Variants in SCML4 observed in about 807,000 individuals in gnomAD.
SCML4 encodes the protein sex comb on midleg-like protein 4.
Under a neutral mutation model 41.1 loss-of-function variants are expected in SCML4, and 34 were observed. That is an observed-to-expected ratio of 0.83 (90% CI 0.63 to 1.10). The LOEUF (loss-of-function observed/expected upper bound fraction) is 1.10, where lower values mean the gene tolerates loss of function less well. SCML4 is among the 50% of genes least tolerant of loss of function. SCML4 has a pLI of 0.00. For synonymous variants in SCML4, 214 were observed against 220.9 expected (o/e 0.97, Z 0.28); for missense variants, 522 against 534.1 (o/e 0.98, Z 0.22).
chr6:107,835,605 G>A, the SCML4 span, among the ~76,000 whole-genome samples: 2 of 151,638 alleles, frequency 1.3e-5, no homozygotes, highest in African/African-American at 4.8e-5. Context: ...TCTGGGCATG[G>A]TGGCATGCAC....
rs764540 is a variant in SCML4 at position 107,703,627 on chromosome 6, C to T, written c.*1573G>A. ...GTTATACAGGTCATGCTCTGTACAA[C>T]GGCAGCTGATCAAGCGGTGAGGAGG... On this transcript the variant is annotated 3_prime_UTR_variant, in exon 8 of 8. Transcript: ENST00000369020. Among the ~76,000 whole-genome samples the T allele has an allele frequency of 6.6e-6, 1 of 152,148 alleles. No individual in the cohort carries two copies. Among genetic ancestry groups the T allele is most frequent in the Admixed American group, 6.5e-5 (1 of 15,276 alleles).
rs76895803 is a variant in SCML4 at position 107,801,588 on chromosome 6, A to G, written c.-60+22538T>C. On this transcript the variant is annotated intron_variant, in intron 1 of 7. Coordinates refer to ENST00000369020, the MANE Select transcript of SCML4 (RefSeq NM_198081.5). The stretch of plus-strand genomic sequence containing the variant: ...GTTTTAATTTCTCCAGGTTTTTCCC[A>G]AGTCCAAATGTCTTTCACATCCTTC... Among the ~76,000 whole-genome samples, 443 of 152,252 alleles carry G rather than the reference A, an allele frequency of 2.9e-3. 12 individuals are homozygous for G. The East Asian group carries it at 0.074, about 25-fold the overall frequency.
At chr6:107,716,710 G>A (rs145380847) in intron 6 of SCML4, among the ~76,000 whole-genome samples, 19 of 152,270 alleles carry the variant, frequency 1.2e-4, no homozygotes, top group Non-Finnish European at 2.2e-4. Context: ...CCTACTCAGC[G>A]TTACTTTGCA....
intron 1 of SCML4, among the ~76,000 whole-genome samples, chr6:107,795,041 C>T (rs1005133188): frequency 5.9e-5 from 9 of 152,166 alleles, no homozygotes; most frequent in African/African-American, 2.2e-4. Flanking sequence ...CCAATTATGT[C>T]AGCAAAGGTT....
chr6:107,789,290 C>T (rs74387860), intron 1 of SCML4, among the ~76,000 whole-genome samples: 1,551 of 152,266 alleles, frequency 0.01, 30 homozygotes, highest in African/African-American at 0.032. Flanking sequence ...AGCACAGGGA[C>T]GTGAAGATGA....
intron 2 of SCML4, among the ~76,000 whole-genome samples, chr6:107,767,780 C>T (rs1270990960): frequency 6.6e-6 from 1 of 152,150 alleles, no homozygotes; most frequent in Non-Finnish European, 1.5e-5. Context: ...CTACGGGTGG[C>T]TGAGTGACTA....
rs1484469230 is a variant in SCML4 at position 107,759,898 on chromosome 6, C to T, written c.157-10085G>A. On this transcript the variant is annotated intron_variant, in intron 2 of 7. Transcript: ENST00000369020. ...TTGCCACTGCACTGCAGGGCAGTGG[C>T]AAGAATACAGGTCTTAGAGATAACA... 3.3e-5 allele frequency among the ~76,000 whole-genome samples: 5 copies of T among 152,078 alleles called. No individual in the cohort carries two copies. In the East Asian group the frequency reaches 7.7e-4, roughly 23 times the overall value.
chr6:107,702,403 G>A lies in SCML4; in HGVS notation c.*2797C>T, dbSNP rs770507216. Among the ~76,000 whole-genome samples, 1 of 152,158 alleles carries A rather than the reference G, an allele frequency of 6.6e-6. No individual in the cohort carries two copies. The highest frequency in any genetic ancestry group is 1.5e-5 in the Non-Finnish European group (1 of 68,030). ...TTGTTTGGGGCTGATTTTTATTTGA[G>A]AGCACCAATGTTTGTGACTCTGTAG... On this transcript the variant is annotated 3_prime_UTR_variant, in exon 8 of 8. Coordinates refer to ENST00000369020, the MANE Select transcript of SCML4 (RefSeq NM_198081.5).
chr6:107,751,643 T>TTTCTTTCTTTCC (rs1554211264), intron 2 of SCML4, among the ~76,000 whole-genome samples: 10 of 144,376 alleles, frequency 6.9e-5, no homozygotes, highest in African/African-American at 2.3e-4. Flanking sequence ...TCTTTCTTTC[T>TTTCTTTCTTTCC]TTCTTTTTTG....
At chr6:107,798,208 T>C (rs1782852292) in intron 1 of SCML4, among the ~76,000 whole-genome samples, 1 of 151,992 alleles carries the variant, frequency 6.6e-6, no homozygotes, top group Non-Finnish European at 1.5e-5. Flanking sequence ...ATATTATTTC[T>C]CCCTCAAGTA....
chr6:107,755,502 A>G (rs749883407), intron 2 of SCML4: 19 of 642,286 alleles, frequency 3.0e-5, no homozygotes, highest in African/African-American at 3.9e-5. Flanking sequence ...AAAGAAGAGC[A>G]CGGATATGAG....
At chr6:107,812,322 G>T (rs545141319) in intron 1 of SCML4, among the ~76,000 whole-genome samples, 5 of 152,270 alleles carry the variant, frequency 3.3e-5, no homozygotes, top group African/African-American at 1.2e-4. Context: ...TACCACCAGG[G>T]TTTCAGCTCC....
In SCML4 at chr6:107,756,122, C is replaced by G. The variant is rs548484532; in HGVS notation, c.157-6309G>C. Among the ~76,000 whole-genome samples the G allele has an allele frequency of 7.9e-5, 12 of 152,290 alleles. 1 individual carries two copies. Among genetic ancestry groups the G allele is most frequent in the African/African-American group, 2.4e-4 (10 of 41,556 alleles). ...TCAAATAATTTATGTAGACACCCCT[C>G]CCTCAAGTAGGTGAAGTGCAATTCC... On this transcript the variant is annotated intron_variant, in intron 2 of 7. Coordinates refer to ENST00000369020, the MANE Select transcript of SCML4 (RefSeq NM_198081.5).
intron 5 of SCML4, among the ~76,000 whole-genome samples, chr6:107,725,984 T>C (rs761830796): frequency 3.3e-4 from 47 of 141,676 alleles, no homozygotes; most frequent in Non-Finnish European, 6.3e-4. Context: ...GGCTGAGGCA[T>C]GAGAATTGCT....
At chr6:107,830,698 C>T in the SCML4 span, among the ~76,000 whole-genome samples, 1 of 152,180 alleles carries the variant, frequency 6.6e-6, no homozygotes, top group Non-Finnish European at 1.5e-5. Context: ...TGATTCCTTT[C>T]TCCCACAGAA....
chr6:107,800,688 T>A (rs1783050863), intron 1 of SCML4, among the ~76,000 whole-genome samples: 1 of 152,246 alleles, frequency 6.6e-6, no homozygotes, highest in Non-Finnish European at 1.5e-5. Context: ...TCTTTCCCCC[T>A]CTCTGTTATA....
chr6:107,708,044 C>T (rs1320645160), intron 6 of SCML4, 33 bp from the exon 7 acceptor site: 12 of 1,545,966 alleles, frequency 7.8e-6, no homozygotes, highest in Non-Finnish European at 9.6e-6. Context: ...GACCATGAGC[C>T]AGTGGGACAG....
intron 2 of SCML4, among the ~76,000 whole-genome samples, chr6:107,759,234 G>A (rs1439921195): frequency 6.6e-6 from 1 of 152,002 alleles, no homozygotes; most frequent in African/African-American, 2.4e-5. Context: ...GGAGGCTGAG[G>A]TAGGAAGACG....
chr6:107,805,011 G>A (rs1033580659), intron 1 of SCML4, among the ~76,000 whole-genome samples: 1 of 152,128 alleles, frequency 6.6e-6, no homozygotes, highest in Non-Finnish European at 1.5e-5. Context: ...CCAAATGAGG[G>A]CTTTACACAG....
Sources: gnomAD v4.1 joint callset for allele counts (sites outside exome capture counted in the v4.1 genomes callset) on GRCh38, gnomAD v4.1.1 for gene constraint, MANE v1.5 for transcripts, NCBI Gene and HGNC (gene_info 2026-07-23, HGNC 2026-07-21) for gene names.